ZNF398: variants seen among roughly 807,000 people sequenced by gnomAD.
ZNF398 encodes zinc finger DNA binding protein ZER6.
A neutral mutation model predicts 41.9 loss-of-function variants in ZNF398; 18 were observed. That is an observed-to-expected ratio of 0.43 (90% CI 0.30 to 0.64). The LOEUF is 0.64. Among genes scored for constraint, ZNF398 ranks in the 30% least tolerant of loss-of-function variants. The pLI is 0.14. For missense variants in ZNF398, 669 were observed against 822.8 expected, an observed-to-expected ratio of 0.81 and a Z score of 2.29; for synonymous variants, 260 against 308.8, an observed-to-expected ratio of 0.84 and a Z score of 1.66.
chr7:149,133,704 T>TAC lies in ZNF398; in HGVS notation c.-490+4766_-490+4767dup, dbSNP rs1554459646. On this transcript the variant is annotated intron_variant, in intron 2 of 6. Coordinates refer to the ZNF398 transcript ENST00000426851. ...ACATATATATGTGTGTATATATATATACACACATATATATGTATATATATA... is the reference window on the plus strand; with the variant it reads ...ACATATATATGTGTGTATATATATATACACACACATATATATGTATATATATA... Among the ~76,000 whole-genome samples, 23 of 74,012 alleles carry TAC rather than the reference T, an allele frequency of 3.1e-4. No individual in the cohort carries two copies. In the South Asian group the frequency reaches 5.2e-3, roughly 17 times the overall value. The allele number at this position is 74,012 out of a possible 152,430, so 48.6% of individuals were successfully genotyped here.
At chr7:149,166,315 G>C (rs1237996813) in intron 3 of ZNF398, 31 bp downstream of exon 3, 2 of 1,559,974 alleles carry the variant, frequency 1.3e-6, no homozygotes, top group South Asian at 1.1e-5. Flanking sequence ...TTTGAATGAA[G>C]TGACAGCAGC....
At chr7:149,143,128 G>A (rs1432375997), upstream of ZNF398, among the ~76,000 whole-genome samples, 3 of 135,548 alleles carry the variant, frequency 2.2e-5, no homozygotes, top group African/African-American at 5.3e-5. Flanking sequence ...TGGCCAGAGC[G>A]AGACTCCATC....
rs1399200265 is a variant in ZNF398 at position 149,182,483 on chromosome 7, T to C, written c.*2682T>C. On this transcript the variant is annotated 3_prime_UTR_variant, in exon 6 of 6. Coordinates refer to ENST00000475153, the MANE Select transcript of ZNF398 (RefSeq NM_170686.3). ...AACAGAAAGTGTGGAGGAGAAACTC[T>C]TGGCCTATCAAGTGCTCCTGAGAGA... 6.6e-6 allele frequency: 1 copy of C among 152,192 alleles called. No homozygotes were observed. The highest frequency in any genetic ancestry group is 6.5e-5 in the Admixed American group (1 of 15,268). The allele number at this position is 152,192 out of a possible 1,614,324, so 9.4% of individuals were successfully genotyped here.
intron 2 of ZNF398, among the ~76,000 whole-genome samples, chr7:149,162,414 C>T (rs1276926220): frequency 6.6e-6 from 1 of 152,158 alleles, no homozygotes; most frequent in African/African-American, 2.4e-5. Flanking sequence ...GATCTCCTGA[C>T]CTCGTGATCC....
At position 149,162,395 on chromosome 7, in the gene ZNF398, G is replaced by T. The variant is rs532307726; in HGVS notation, c.421-3763G>T. ...GACAGGGTTTCACCATGTTAGCCAG[G>T]ATGGTCTCGATCTCCTGACCTCGTG... is the stretch of plus-strand genomic sequence containing the variant. On this transcript the variant is annotated intron_variant, in intron 2 of 5. Transcript: ENST00000475153. Among the ~76,000 whole-genome samples, 30 of 152,216 alleles carry T rather than the reference G, an allele frequency of 2.0e-4. No homozygotes were observed. The East Asian group carries it at 5.6e-3, about 28-fold the overall frequency.
At chr7:149,149,611 G>T (rs1021989438) in intron 1 of ZNF398, among the ~76,000 whole-genome samples, 34 of 152,228 alleles carry the variant, frequency 2.2e-4, no homozygotes, top group African/African-American at 8.2e-4. Context: ...GCTGCCGTGG[G>T]AAGACAGCTT....
At chr7:149,136,626 G>A (rs1826719217) in intron 2 of ZNF398, among the ~76,000 whole-genome samples, 1 of 151,946 alleles carries the variant, frequency 6.6e-6, no homozygotes, top group African/African-American at 2.4e-5. Context: ...GGAGTGCAGT[G>A]GCATGATCTA....
Position 149,179,433 on chromosome 7 carries a change from A to G in ZNF398, c.1561A>G (p.Met521Val), listed in dbSNP as rs1247071777. 2 of 1,613,978 alleles carry G rather than the reference A, an allele frequency of 1.2e-6. No homozygotes were observed. The highest frequency in any genetic ancestry group is 1.7e-6 in the Non-Finnish European group (2 of 1,180,066). ...YPCTDCSKSF[M>V]RKEHLLNHRR... The stretch of plus-strand genomic sequence containing the variant: ...CTGCACTGACTGCAGTAAGAGCTTC[A>G]TGCGCAAGGAGCACCTGCTGAACCA... The change falls in exon 6 of 6, where the codon ATG (methionine) becomes GTG (valine). Residue 521 changes from methionine (M) to valine (V), a missense_variant. By Grantham distance (21) the Met-to-Val change is conservative. This residue lies in a region of ZNF398 where 210 missense variants were observed against 290.4 expected (regional missense o/e 0.72). Transcript: ENST00000475153. The surrounding 1 kb of genome is among the most constrained non-coding windows in gnomAD (Gnocchi z 6.1).
At chr7:149,153,884 G>T (rs1794914367) in intron 1 of ZNF398, 61 bp from the exon 2 acceptor site, 1 of 1,540,410 alleles carries the variant, frequency 6.5e-7, no homozygotes, top group African/African-American at 1.4e-5. Flanking sequence ...TCTGATTTTA[G>T]TTTGGAGTTA....
At position 149,162,960 on chromosome 7, in the gene ZNF398, A is replaced by G. The variant is rs184840677; in HGVS notation, c.421-3198A>G. 1.8e-3 allele frequency among the ~76,000 whole-genome samples: 275 copies of G among 152,118 alleles called. 2 individuals are homozygous for G. The highest frequency in any genetic ancestry group is 0.015 in the Admixed American group (223 of 15,266). Reference sequence around the variant, plus strand: ...CATTGCACTCCAGCCTGGGCAACAGAGCGAGAGTCTGTCTCAAAAAATATA... The same window carrying G: ...CATTGCACTCCAGCCTGGGCAACAGGGCGAGAGTCTGTCTCAAAAAATATA... On this transcript the variant is annotated intron_variant, in intron 2 of 5. Coordinates refer to ENST00000475153, the MANE Select transcript of ZNF398 (RefSeq NM_170686.3).
chr7:149,162,259 G>A (rs1795121731), intron 2 of ZNF398, among the ~76,000 whole-genome samples: 1 of 151,982 alleles, frequency 6.6e-6, no homozygotes. Flanking sequence ...TCGGCTCACT[G>A]TAACCTTCGC....
At position 149,157,124 on chromosome 7, in the gene ZNF398, A is replaced by G. The variant is rs564253762; in HGVS notation, c.420+2784A>G. ...TGGTGTTGGAGTTTCCTTGAGGGGA[A>G]TACCTTGGGAAAGTGTGGCCTTGGG... On this transcript the variant is annotated intron_variant, in intron 2 of 5. Transcript: ENST00000475153. Among the ~76,000 whole-genome samples, 86 of 152,210 alleles carry G rather than the reference A, an allele frequency of 5.7e-4. 1 individual carries two copies. The highest frequency in any genetic ancestry group is 2.7e-3 in the South Asian group (13 of 4,830).
At chr7:149,133,678 T>TATATATATATATATATATATATAC (rs1483673161) in intron 2 of ZNF398, among the ~76,000 whole-genome samples, 1 of 67,014 alleles carries the variant, frequency 1.5e-5, no homozygotes, top group African/African-American at 6.1e-5. Context: ...TATATATATA[T>TATATATATATATATATATATATAC]ACATATATAT....
intron 2 of ZNF398, among the ~76,000 whole-genome samples, chr7:149,140,174 T>C (rs1826792150): frequency 6.6e-6 from 1 of 152,190 alleles, no homozygotes; most frequent in South Asian, 2.1e-4. Context: ...TTATTTTATG[T>C]AATAAACAGG....
intron 2 of ZNF398, among the ~76,000 whole-genome samples, chr7:149,158,616 T>C (rs542690990): frequency 7.9e-5 from 12 of 152,110 alleles, no homozygotes; most frequent in African/African-American, 2.4e-4. Flanking sequence ...AGGCAGATCA[T>C]CTGAGGTCAG....
At chr7:149,172,444 CG>C (rs1414135406) in intron 4 of ZNF398, among the ~76,000 whole-genome samples, 1 of 151,950 alleles carries the variant, frequency 6.6e-6, no homozygotes, top group Non-Finnish European at 1.5e-5. Context: ...TTAAGTACCC[CG>C]CGCTCCCCCC....
chr7:149,165,007 T>C (rs1343625766), intron 2 of ZNF398, among the ~76,000 whole-genome samples: 1 of 151,498 alleles, frequency 6.6e-6, no homozygotes, highest in Non-Finnish European at 1.5e-5. Context: ...GGCAGGAGAA[T>C]TGCTTGAACT....
At position 149,153,944 on chromosome 7, in the gene ZNF398, G is replaced by C; in HGVS notation, c.25-1G>C. The C allele has an allele frequency of 6.2e-7, 1 of 1,604,172 alleles. No individual in the cohort carries two copies. Among genetic ancestry groups the C allele is most frequent in the South Asian group, 1.1e-5 (1 of 89,954 alleles). On this transcript the variant is annotated splice_acceptor_variant, in intron 1 of 5. Coordinates refer to ENST00000475153, the MANE Select transcript of ZNF398 (RefSeq NM_170686.3). LOFTEE classifies it high-confidence loss of function. ...TTGTTCCATCTTTCCACTGCATGCAGACATCTGAATGGGACTCCGAGTGCC... is the reference window on the plus strand; with the variant it reads ...TTGTTCCATCTTTCCACTGCATGCACACATCTGAATGGGACTCCGAGTGCC...
chr7:149,145,808 T>C (rs1826925914), upstream of ZNF398, among the ~76,000 whole-genome samples: 2 of 152,198 alleles, frequency 1.3e-5, no homozygotes, highest in South Asian at 2.1e-4. Flanking sequence ...TGATTAGACC[T>C]CTTTCTCTGC....
Sources: allele counts gnomAD v4.1 joint callset (sites outside exome capture counted in the v4.1 genomes callset), GRCh38; gene constraint gnomAD v4.1.1; regional missense constraint gnomAD v4.1.1; non-coding constraint Gnocchi (gnomAD v3.1); transcripts MANE v1.5; gene names NCBI Gene and HGNC (gene_info 2026-07-23, HGNC 2026-07-21).